BICD1: variants seen among roughly 807,000 people sequenced by gnomAD.
BICD1 encodes BICD cargo adaptor 1.
In BICD1, 35 loss-of-function variants were observed where a neutral mutation model predicts 92.5. The observed-to-expected ratio is 0.38, with a 90% CI of 0.29 to 0.50. The LOEUF is 0.50. Ranked by LOEUF, BICD1 falls within the 20% of genes least tolerant of loss-of-function variation. The pLI, the probability that BICD1 is intolerant of heterozygous loss-of-function variation, is 0.93. For missense variants in BICD1, 950 were observed against 1,189.8 expected, an observed-to-expected ratio of 0.80 and a Z score of 2.97; for synonymous variants, 429 against 465.1, an observed-to-expected ratio of 0.92 and a Z score of 1.00.
At chr12:32,240,862 C>A (rs550213592) in intron 2 of BICD1, among the ~76,000 whole-genome samples, 81 of 152,268 alleles carry the variant, frequency 5.3e-4, no homozygotes, top group Non-Finnish European at 1.0e-3. Context: ...CTATTTGGGG[C>A]ACTTGCTATT....
intron 1 of BICD1, among the ~76,000 whole-genome samples, chr12:32,202,471 T>C (rs1413387836): frequency 6.6e-6 from 1 of 152,234 alleles, no homozygotes; most frequent in Non-Finnish European, 1.5e-5. Context: ...CTAGGTCTTA[T>C]ATATTCCTGA....
At chr12:32,244,138 A>C (rs1276202927) in intron 2 of BICD1, among the ~76,000 whole-genome samples, 4 of 149,782 alleles carry the variant, frequency 2.7e-5, no homozygotes, top group Non-Finnish European at 4.4e-5. Context: ...TGAAATATGG[A>C]AAACAATTAT....
At chr12:32,345,672 G>A (rs1022717253) in intron 8 of BICD1, among the ~76,000 whole-genome samples, 4 of 152,104 alleles carry the variant, frequency 2.6e-5, no homozygotes, top group Non-Finnish European at 5.9e-5. Context: ...GAAGGGGAAG[G>A]AAGACATGCT....
chr12:32,224,138 G>T (rs144326847), intron 2 of BICD1, among the ~76,000 whole-genome samples: 1 of 152,256 alleles, frequency 6.6e-6, no homozygotes, highest in East Asian at 1.9e-4. Flanking sequence ...GTTACACATA[G>T]CTGAGTGAAG....
At chr12:32,118,054 A>T (rs1166761874) in intron 1 of BICD1, among the ~76,000 whole-genome samples, 1 of 56,650 alleles carries the variant, frequency 1.8e-5, no homozygotes, top group African/African-American at 5.8e-5. Context: ...CGGCCCGCTT[A>T]GTCCAATATT....
chr12:32,184,119 G>T (rs570742740), intron 1 of BICD1, among the ~76,000 whole-genome samples: 7 of 152,270 alleles, frequency 4.6e-5, no homozygotes, highest in Middle Eastern at 3.4e-3. Flanking sequence ...AGAAGGCTGA[G>T]AATTTAGGGC....
intron 1 of BICD1, among the ~76,000 whole-genome samples, chr12:32,171,509 T>A (rs542191508): frequency 6.6e-6 from 1 of 152,194 alleles, no homozygotes; most frequent in East Asian, 1.9e-4. Context: ...CAGGGCGTTC[T>A]TCTTCTGTGG....
intron 2 of BICD1, among the ~76,000 whole-genome samples, chr12:32,265,581 G>T (rs1946971380): frequency 6.6e-6 from 1 of 150,842 alleles, no homozygotes; most frequent in Non-Finnish European, 1.5e-5. Context: ...ATTAGGCACA[G>T]TGTCGCATGC....
intron 2 of BICD1, among the ~76,000 whole-genome samples, chr12:32,247,792 A>G (rs1946428107): frequency 6.7e-6 from 1 of 149,730 alleles, no homozygotes; most frequent in African/African-American, 2.5e-5. Flanking sequence ...GACTGTCTCA[A>G]AAAAAAAGAA....
At chr12:32,339,450 G>C (rs1938274587) in intron 8 of BICD1, 1 of 985,544 alleles carries the variant, frequency 1.0e-6, no homozygotes, top group Non-Finnish European at 1.2e-6. Flanking sequence ...GAGAATAAAA[G>C]TAAAACCTTC....
intron 2 of BICD1, among the ~76,000 whole-genome samples, chr12:32,273,812 G>A (rs1450434211): frequency 6.6e-6 from 1 of 152,164 alleles, no homozygotes; most frequent in African/African-American, 2.4e-5. Flanking sequence ...GAATTTATTG[G>A]GTGAAAAGGA....
At chr12:32,193,006 C>T (rs1944622579) in intron 1 of BICD1, among the ~76,000 whole-genome samples, 1 of 152,172 alleles carries the variant, frequency 6.6e-6, no homozygotes, top group Admixed American at 6.5e-5. Context: ...GTTGAAGTGA[C>T]AACAAAAGAT....
intron 3 of BICD1, among the ~76,000 whole-genome samples, chr12:32,302,717 T>C (rs1025106368): frequency 6.6e-6 from 1 of 152,130 alleles, no homozygotes; most frequent in African/African-American, 2.4e-5. Context: ...ATGCCATTGA[T>C]AGATTTGTTA....
chr12:32,194,989 A>T (rs1480624039), intron 1 of BICD1, among the ~76,000 whole-genome samples: 1 of 151,284 alleles, frequency 6.6e-6, no homozygotes, highest in African/African-American at 2.4e-5. Flanking sequence ...AATGAAAGAA[A>T]TTGAAGGCTG....
intron 4 of BICD1, among the ~76,000 whole-genome samples, chr12:32,320,727 T>C (rs1004431689): frequency 1.3e-5 from 2 of 152,130 alleles, no homozygotes; most frequent in South Asian, 4.2e-4. Context: ...ACAATGACAA[T>C]AGTAAACATA....
At chr12:32,327,134 A>T (rs1467769561) in intron 4 of BICD1, among the ~76,000 whole-genome samples, 3 of 152,194 alleles carry the variant, frequency 2.0e-5, no homozygotes, top group Non-Finnish European at 4.4e-5. Flanking sequence ...TCCTATGCTT[A>T]TCTCTTAAAG....
rs200867915 is a variant in BICD1, at chr12:32,337,693, T to C, written c.2447T>C (p.Ile816Thr). The stretch of plus-strand genomic sequence containing the variant: ...AAAGGCAAACTTGGAAAGAGCAAGA[T>C]CGGCAGCCCTAAAGTAAGTGGGGAG... ...RSKGKLGKSK[I>T]GSPKVSGEAS... is the part of the protein sequence containing the mutation. Residue 816 changes from isoleucine (I) to threonine (T), a missense_variant, in exon 7 of 10, where the codon ATC becomes ACC. This residue lies in a region of BICD1 where 309 missense variants were observed against 499.4 expected (regional missense o/e 0.62). Coordinates refer to ENST00000652176, the MANE Select transcript of BICD1 (RefSeq NM_001714.4). The surrounding 1 kb of genome is among the most constrained non-coding windows in gnomAD (Gnocchi z 4.7). 4.4e-5 allele frequency: 71 copies of C among 1,613,974 alleles called. No individual in the cohort carries two copies. The highest frequency in any genetic ancestry group is 2.5e-4 in the Admixed American group (15 of 59,986).
At chr12:32,124,510 G>T (rs1942260903) in intron 1 of BICD1, among the ~76,000 whole-genome samples, 1 of 152,122 alleles carries the variant, frequency 6.6e-6, no homozygotes, top group African/African-American at 2.4e-5. Context: ...ATTTAATACA[G>T]TATCTGACAC....
At chr12:32,243,559 TCTA>T (rs1946295152) in intron 2 of BICD1, among the ~76,000 whole-genome samples, 1 of 152,168 alleles carries the variant, frequency 6.6e-6, no homozygotes, top group Admixed American at 6.5e-5. Flanking sequence ...TTTTAATGTT[TCTA>T]CTACTTGTGT....
Sources: allele counts gnomAD v4.1 joint callset (sites outside exome capture counted in the v4.1 genomes callset), GRCh38; gene constraint gnomAD v4.1.1; regional missense constraint gnomAD v4.1.1; non-coding constraint Gnocchi (gnomAD v3.1); transcripts MANE v1.5; gene names NCBI Gene and HGNC (gene_info 2026-07-23, HGNC 2026-07-21).